The following NPHP4 variants were observed in gnomAD, a reference collection of about 807,000 sequenced individuals.
NPHP4 encodes the protein nephrocystin-4.
A neutral mutation model predicts 155.8 loss-of-function variants in NPHP4; 151 were observed. The ratio of observed to expected loss-of-function variants is 0.97; its 90% confidence interval spans 0.85 to 1.11. The LOEUF (loss-of-function observed/expected upper bound fraction) is 1.11. NPHP4 is among the 50% of genes least tolerant of loss of function. The probability of loss-of-function intolerance (pLI) is 0.00; values close to 1 mark genes in which losing one functional copy is unlikely to be tolerated. For synonymous variants in NPHP4, 845 were observed against 816.8 expected, an observed-to-expected ratio of 1.03 and a Z score of -0.59; for missense variants, 1,956 against 1,925.7, an observed-to-expected ratio of 1.02 and a Z score of -0.29.
chr1:5,876,253 T>C (rs1422522619), intron 20 of NPHP4: 1 of 84,920 alleles, frequency 1.2e-5, no homozygotes, highest in Admixed American at 1.4e-4. Context: ...GGGAGGGAGG[T>C]GGGGTGGGTG....
At chr1:5,925,701 T>C (rs531599530) in intron 11 of NPHP4, among the ~76,000 whole-genome samples, 1 of 152,244 alleles carries the variant, frequency 6.6e-6, no homozygotes, top group East Asian at 1.9e-4. Context: ...CTGCAAGCTC[T>C]GCCTCCTGGG....
At chr1:5,951,921 C>T (rs1648153210) in intron 7 of NPHP4, among the ~76,000 whole-genome samples, 1 of 152,218 alleles carries the variant, frequency 6.6e-6, no homozygotes, top group Non-Finnish European at 1.5e-5. Context: ...GAAACCCCAG[C>T]GCATGCTGCG....
chr1:5,961,141 T>C (rs964285995), intron 6 of NPHP4, among the ~76,000 whole-genome samples: 1 of 152,188 alleles, frequency 6.6e-6, no homozygotes, highest in Non-Finnish European at 1.5e-5. Context: ...TCCTAAAGAA[T>C]GCCGGCCACT....
Position 5,969,137 on chromosome 1 carries a change from C to G in NPHP4, c.402G>C (p.Arg134=). 6.4e-7 allele frequency: 1 copy of G among 1,552,094 alleles called. No individual in the cohort carries two copies. Among genetic ancestry groups the G allele is most frequent in the Non-Finnish European group, 8.7e-7 (1 of 1,147,018 alleles). The change falls in exon 4 of 30, where the codon CGG becomes CGC. Residue 134 remains arginine (R), a synonymous_variant. Coordinates refer to ENST00000378156, the MANE Select transcript of NPHP4 (RefSeq NM_015102.5). ...QTLSCGFGIL[R]IFSNQPDSPI... Reference sequence around the variant, plus strand: ...GAGAGTCCGGCTGGTTGCTGAAGATCCGAAGAATTCCAAACCCACAGGACA... The same window carrying G: ...GAGAGTCCGGCTGGTTGCTGAAGATGCGAAGAATTCCAAACCCACAGGACA...
chr1:5,988,445 T>A (rs1655796961), intron 1 of NPHP4, among the ~76,000 whole-genome samples: 1 of 152,278 alleles, frequency 6.6e-6, no homozygotes. Context: ...TCTAAATTTT[T>A]TTTTGTTTTG....
intron 16 of NPHP4, among the ~76,000 whole-genome samples, chr1:5,894,125 T>G (rs1644277649): frequency 6.6e-6 from 1 of 152,270 alleles, no homozygotes; most frequent in Non-Finnish European, 1.5e-5. Flanking sequence ...GAACAGCTCA[T>G]GTCCTCGTTC....
At chr1:5,951,091 G>A (rs1237322665) in intron 7 of NPHP4, among the ~76,000 whole-genome samples, 1 of 152,186 alleles carries the variant, frequency 6.6e-6, no homozygotes, top group Non-Finnish European at 1.5e-5. Context: ...GCATCGATAG[G>A]CGGTAGAACC....
rs1041404643 is a variant in NPHP4 at position 5,933,290 on chromosome 1, G to A, written c.1159C>T (p.His387Tyr). 2.5e-6 allele frequency: 4 copies of A among 1,613,392 alleles called. No individual in the cohort carries two copies. The highest frequency in any genetic ancestry group is 1.7e-5 in the Admixed American group (1 of 59,998). Residue 387 changes from histidine to tyrosine, a missense_variant, in exon 10 of 30, where the codon CAC becomes TAC. Coordinates refer to ENST00000378156, the MANE Select transcript of NPHP4 (RefSeq NM_015102.5). ...TTCCAAACAGCCCAGCGGACCATGT[G>A]CATGCATGCCAGGTTGGACAGAGAG... ...VTSLSNLACM[H>Y]MVRWAVWNPL...
rs376675995 is a variant in NPHP4 at position 5,863,925 on chromosome 1, G to A, written c.4105C>T (p.Pro1369Ser). The A allele has an allele frequency of 1.3e-5, 21 of 1,613,854 alleles. No homozygotes were observed. In the African/African-American group the frequency reaches 2.5e-4, roughly 19 times the overall value. The change falls in exon 29 of 30, where the codon CCG becomes TCG. Residue 1369 changes from proline (P) to serine (S), a missense_variant. Transcript: ENST00000378156. Reference sequence around the variant, plus strand: ...TCCTCTCTGAACCGCAGCAGCTCCGGGTGGTCGCTGTGCAGGTGGAATGTC... The same window carrying A: ...TCCTCTCTGAACCGCAGCAGCTCCGAGTGGTCGCTGTGCAGGTGGAATGTC... ...RRTFHLHSDH[P>S]ELLRFREDSF...
At chr1:5,941,289 C>CAAAAAAAAAAAAA (rs66676950) in intron 9 of NPHP4, among the ~76,000 whole-genome samples, 9 of 44,772 alleles carry the variant, frequency 2.0e-4, no homozygotes, top group South Asian at 1.2e-3. Flanking sequence ...GAGATCTAGA[C>CAAAAAAAAAAAAA]AAAAAAAAAA....
At chr1:5,903,866 A>G (rs1366330244) in intron 16 of NPHP4, among the ~76,000 whole-genome samples, 1 of 152,234 alleles carries the variant, frequency 6.6e-6, no homozygotes, top group Non-Finnish European at 1.5e-5. Context: ...CTGCTGACGC[A>G]ACACAAAGAG....
chr1:5,925,270 G>A (rs1227990367), intron 11 of NPHP4, among the ~76,000 whole-genome samples: 1 of 152,074 alleles, frequency 6.6e-6, no homozygotes, highest in African/African-American at 2.4e-5. Flanking sequence ...ACAGTACAAT[G>A]ATTTACATAG....
chr1:5,978,373 C>G lies in NPHP4; in HGVS notation c.176G>C (p.Arg59Pro). ...GTAGGTGACATCAAAGAAAGACACT[C>G]GCAGATGGCATTCAACCTCTGACAG... ...EVLSEVECHL[R>P]VSFFDVTYRH... The change falls in exon 3 of 30, where the codon CGA (arginine) becomes CCA (proline). Residue 59 changes from arginine (R) to proline (P), a missense_variant. Transcript: ENST00000378156. 6.2e-7 allele frequency: 1 copy of G among 1,607,646 alleles called. No homozygotes were observed. The highest frequency in any genetic ancestry group is 8.5e-7 in the Non-Finnish European group (1 of 1,177,172).
intron 10 of NPHP4, among the ~76,000 whole-genome samples, chr1:5,931,739 A>G (rs1378929231): frequency 1.3e-5 from 2 of 150,838 alleles, no homozygotes; most frequent in African/African-American, 4.9e-5. Flanking sequence ...ATCTCAAAAA[A>G]AAAAAAAAAA....
chr1:5,949,589 C>T (rs576863268), intron 7 of NPHP4, among the ~76,000 whole-genome samples: 5 of 152,106 alleles, frequency 3.3e-5, no homozygotes, highest in African/African-American at 7.2e-5. Flanking sequence ...CCGGGAGGAA[C>T]GCGGGGTGAC....
chr1:5,951,753 G>A (rs1001751804), intron 7 of NPHP4, among the ~76,000 whole-genome samples: 1 of 152,198 alleles, frequency 6.6e-6, no homozygotes, highest in Non-Finnish European at 1.5e-5. Flanking sequence ...ACCTGCAAAG[G>A]CTTTTCCAAG....
chr1:5,947,709 G>A (rs1461495007), intron 8 of NPHP4, among the ~76,000 whole-genome samples: 4 of 152,144 alleles, frequency 2.6e-5, no homozygotes, highest in Non-Finnish European at 5.9e-5. Flanking sequence ...GGGAAGCACT[G>A]GATTAAACAG....
chr1:5,883,550 G>C (rs909068249), intron 18 of NPHP4, among the ~76,000 whole-genome samples: 1 of 152,162 alleles, frequency 6.6e-6, no homozygotes, highest in African/African-American at 2.4e-5. Flanking sequence ...TCTCTGTCAC[G>C]TCCCGAGGAC....
chr1:5,948,291 G>C, intron 7 of NPHP4, 40 bp from the exon 8 acceptor site: 1 of 1,462,222 alleles, frequency 6.8e-7, no homozygotes. Context: ...GGCACAGACG[G>C]AAAGAGGGAG....
Sources: allele counts gnomAD v4.1 joint callset (sites outside exome capture counted in the v4.1 genomes callset), GRCh38; gene constraint gnomAD v4.1.1; transcripts MANE v1.5; gene names NCBI Gene and HGNC (gene_info 2026-07-23, HGNC 2026-07-21).